CNTN5: variants seen among roughly 807,000 people sequenced by gnomAD.
CNTN5 encodes the protein contactin 5.
A neutral mutation model predicts 129.1 loss-of-function variants in CNTN5; 77 were observed. The ratio of observed to expected loss-of-function variants is 0.60; its 90% confidence interval spans 0.50 to 0.72. CNTN5 has a LOEUF of 0.72. Ranked by LOEUF, CNTN5 falls within the 30% of genes least tolerant of loss-of-function variation. CNTN5 has a pLI of 0.00. For missense variants in CNTN5, 1,478 were observed against 1,328.8 expected (o/e 1.11, Z -1.75); for synonymous variants, 509 against 465.6 (o/e 1.09, Z -1.20).
intron 2 of CNTN5, among the ~76,000 whole-genome samples, chr11:99,546,415 A>G (rs915464036): frequency 3.3e-5 from 5 of 152,298 alleles, no homozygotes; most frequent in African/African-American, 1.2e-4. Context: ...CAGAACCCCA[A>G]GCTCATCTGT....
intron 1 of CNTN5, among the ~76,000 whole-genome samples, chr11:99,109,635 G>A (rs976716668): frequency 1.3e-5 from 2 of 152,062 alleles, no homozygotes; most frequent in Non-Finnish European, 2.9e-5. Flanking sequence ...TGTAGATCAC[G>A]TTAGAAGCAG....
At chr11:100,321,743 G>T (rs1258340812) in intron 21 of CNTN5, among the ~76,000 whole-genome samples, 1 of 151,968 alleles carries the variant, frequency 6.6e-6, no homozygotes, top group East Asian at 1.9e-4. Flanking sequence ...AATTTGTTGA[G>T]AATTTTTACC....
chr11:100,087,177 AT>A (rs1438963206), intron 13 of CNTN5, among the ~76,000 whole-genome samples: 1 of 151,772 alleles, frequency 6.6e-6, no homozygotes, highest in African/African-American at 2.4e-5. Flanking sequence ...ATAAGCACAG[AT>A]GCCATAAACA....
chr11:100,329,620 G>A (rs564797016), intron 21 of CNTN5, among the ~76,000 whole-genome samples: 1 of 152,324 alleles, frequency 6.6e-6, no homozygotes, highest in South Asian at 2.1e-4. Flanking sequence ...TATCCAGGCT[G>A]CAAGACCTGA....
intron 1 of CNTN5, among the ~76,000 whole-genome samples, chr11:99,131,856 T>C (rs1338782309): frequency 6.6e-6 from 1 of 152,202 alleles, no homozygotes; most frequent in Non-Finnish European, 1.5e-5. Context: ...TCTGAAACTA[T>C]TTCAAACAAT....
intron 3 of CNTN5, among the ~76,000 whole-genome samples, chr11:99,633,846 T>C (rs1951452641): frequency 1.3e-5 from 2 of 152,136 alleles, no homozygotes; most frequent in South Asian, 2.1e-4. Flanking sequence ...GCAAGAAGCA[T>C]CTAAAATGCA....
intron 3 of CNTN5, among the ~76,000 whole-genome samples, chr11:99,714,869 T>C (rs1955153833): frequency 7.0e-6 from 1 of 142,966 alleles, no homozygotes; most frequent in Non-Finnish European, 1.5e-5. Context: ...AAAAAAACCT[T>C]GAAGCTGTCT....
intron 13 of CNTN5, among the ~76,000 whole-genome samples, chr11:100,155,693 C>T (rs571082498): frequency 6.6e-6 from 1 of 151,650 alleles, no homozygotes; most frequent in Non-Finnish European, 1.5e-5. Flanking sequence ...TCTCTGATTT[C>T]CTTGAGCAGT....
intron 1 of CNTN5, among the ~76,000 whole-genome samples, chr11:99,296,639 T>C (rs1458584215): frequency 6.6e-6 from 1 of 152,116 alleles, no homozygotes. Context: ...AACCAAACAT[T>C]GGTTTTAGGG....
intron 9 of CNTN5, among the ~76,000 whole-genome samples, chr11:100,020,540 G>T (rs1304306792): frequency 6.6e-6 from 1 of 151,968 alleles, no homozygotes; most frequent in African/African-American, 2.4e-5. Flanking sequence ...TAACTTTGTG[G>T]TAGATTCTGA....
At chr11:100,341,240 A>G (rs1464637797) in intron 23 of CNTN5, 35 bp downstream of exon 23, 2 of 1,420,216 alleles carry the variant, frequency 1.4e-6, no homozygotes, top group Non-Finnish European at 2.0e-6. Flanking sequence ...ATAGATACTC[A>G]TCTCCGAAAT....
At chr11:99,926,006 G>C (rs768744575) in intron 7 of CNTN5, among the ~76,000 whole-genome samples, 6 of 152,104 alleles carry the variant, frequency 3.9e-5, no homozygotes, top group Non-Finnish European at 8.8e-5. Flanking sequence ...GTTAAATTAA[G>C]CTTTACCTTG....
intron 3 of CNTN5, among the ~76,000 whole-genome samples, chr11:99,776,633 T>A (rs1327423230): frequency 6.6e-6 from 1 of 151,470 alleles, no homozygotes; most frequent in African/African-American, 2.4e-5. Flanking sequence ...AAAACATTGA[T>A]CCTGTTAACT....
At chr11:99,418,041 A>G (rs1171768373) in intron 2 of CNTN5, among the ~76,000 whole-genome samples, 1 of 152,148 alleles carries the variant, frequency 6.6e-6, no homozygotes, top group Non-Finnish European at 1.5e-5. Flanking sequence ...TAAACTGCTC[A>G]AGGTTTTTAA....
At chr11:99,733,893 C>T (rs1176870637) in intron 3 of CNTN5, among the ~76,000 whole-genome samples, 2 of 152,180 alleles carry the variant, frequency 1.3e-5, no homozygotes, top group Non-Finnish European at 2.9e-5. Flanking sequence ...GTCCAGTTTT[C>T]CTAAGAGAGC....
intron 3 of CNTN5, among the ~76,000 whole-genome samples, chr11:99,608,123 G>T (rs531833050): frequency 1.3e-5 from 2 of 149,454 alleles, no homozygotes; most frequent in Admixed American, 1.3e-4. Flanking sequence ...AAATCACAGT[G>T]TTTGTGAACT....
chr11:99,922,888 A>G (rs1436494561), intron 7 of CNTN5, among the ~76,000 whole-genome samples: 6 of 152,202 alleles, frequency 3.9e-5, no homozygotes, highest in Non-Finnish European at 8.8e-5. Flanking sequence ...GGTTTTAGAC[A>G]GTTTCTGTCA....
intron 8 of CNTN5, among the ~76,000 whole-genome samples, chr11:99,964,070 G>A (rs966252174): frequency 6.6e-6 from 1 of 152,106 alleles, no homozygotes; most frequent in Non-Finnish European, 1.5e-5. Context: ...TGAGACAATG[G>A]GGTTTTCTAG....
intron 18 of CNTN5, among the ~76,000 whole-genome samples, chr11:100,288,578 A>T (rs1950862595): frequency 6.6e-6 from 1 of 152,154 alleles, no homozygotes; most frequent in Admixed American, 6.6e-5. Context: ...AAGACACAAC[A>T]TACCAGAATC....
Sources: gnomAD v4.1 joint callset for allele counts (sites outside exome capture counted in the v4.1 genomes callset) on GRCh38, gnomAD v4.1.1 for gene constraint, MANE v1.5 for transcripts, NCBI Gene and HGNC (gene_info 2026-07-23, HGNC 2026-07-21) for gene names.